Variants in MTREX observed in about 807,000 individuals in gnomAD.
MTREX encodes the protein Mtr4 exosome RNA helicase.
In MTREX, 76 loss-of-function variants were observed where a neutral mutation model predicts 135.4. That is an observed-to-expected ratio of 0.56 (90% CI 0.47 to 0.68). The LOEUF (loss-of-function observed/expected upper bound fraction) is 0.68. MTREX is among the 30% of genes least tolerant of loss of function. MTREX has a pLI of 0.00. For missense variants in MTREX, 920 were observed against 1,262.1 expected, an observed-to-expected ratio of 0.73 and a Z score of 4.11; for synonymous variants, 404 against 401.6, an observed-to-expected ratio of 1.01 and a Z score of -0.07.
At chr5:55,414,706 G>A (rs188297706) in intron 24 of MTREX, among the ~76,000 whole-genome samples, 31 of 152,294 alleles carry the variant, frequency 2.0e-4, no homozygotes, top group Admixed American at 1.6e-3. Flanking sequence ...CTGGAGTGCA[G>A]TGGCGTGATC....
At chr5:55,415,035 C>T (rs888380641) in intron 24 of MTREX, among the ~76,000 whole-genome samples, 2 of 145,358 alleles carry the variant, frequency 1.4e-5, no homozygotes, top group African/African-American at 5.0e-5. Flanking sequence ...ATAAATTTCT[C>T]TCTTACTATT....
chr5:55,348,802 T>C (rs2112067342), intron 11 of MTREX, among the ~76,000 whole-genome samples: 1 of 152,362 alleles, frequency 6.6e-6, no homozygotes, highest in South Asian at 2.1e-4. Context: ...TTATTCAGTT[T>C]AACAAATGCT....
chr5:55,424,425 A>C, intron 26 of MTREX: 1 of 201,838 alleles, frequency 5.0e-6, no homozygotes. Flanking sequence ...GATTACAGGC[A>C]TGAGCTACTG....
chr5:55,327,886 G>A (rs1332032854), intron 4 of MTREX, 108 bp downstream of exon 4: 1 of 813,742 alleles, frequency 1.2e-6, no homozygotes. Flanking sequence ...GTATATGTAT[G>A]TATCAAGAAC....
intron 26 of MTREX, 182 bp from the exon 27 acceptor site, chr5:55,424,538 A>G (rs917349075): frequency 5.4e-6 from 3 of 559,346 alleles, no homozygotes; most frequent in African/African-American, 1.9e-5. Context: ...TCTGGCTTGT[A>G]TGTTTTCCAC....
At chr5:55,387,236 A>AC (rs1561205240) in intron 18 of MTREX, among the ~76,000 whole-genome samples, 2 of 152,030 alleles carry the variant, frequency 1.3e-5, no homozygotes, top group African/African-American at 4.8e-5. Context: ...TATTCTTGTT[A>AC]AACAGTTGGT....
chr5:55,403,428 AAAG>A lies in MTREX; in HGVS notation c.2482-1994_2482-1992del, dbSNP rs748376469. Among the ~76,000 whole-genome samples, 6 of 152,324 alleles carry A rather than the reference AAAG, an allele frequency of 3.9e-5. No homozygotes were observed. In the South Asian group the frequency reaches 6.2e-4, roughly 16 times the overall value. ...TTTTAGTAGCCACATTTTAAAAAAGAAAGAAAAAACCAGTGGCATTAACTTCAG... is the reference window on the plus strand; with the variant it reads ...TTTTAGTAGCCACATTTTAAAAAAGAAAAAAACCAGTGGCATTAACTTCAG... On this transcript the variant is annotated intron_variant, in intron 21 of 26. Transcript: ENST00000230640.
intron 23 of MTREX, among the ~76,000 whole-genome samples, chr5:55,411,221 G>T (rs1172988076): frequency 6.6e-6 from 1 of 152,106 alleles, no homozygotes; most frequent in Non-Finnish European, 1.5e-5. Flanking sequence ...TCCTTGTACT[G>T]CATTCCAAAA....
At chr5:55,404,797 C>CTTTT (rs10714588) in intron 21 of MTREX, among the ~76,000 whole-genome samples, 3 of 131,964 alleles carry the variant, frequency 2.3e-5, no homozygotes, top group Admixed American at 7.5e-5. Flanking sequence ...GCTCTGTTCT[C>CTTTT]TTTTTTTTTT....
At chr5:55,375,554 C>A (rs1750283335) in intron 16 of MTREX, among the ~76,000 whole-genome samples, 1 of 152,114 alleles carries the variant, frequency 6.6e-6, no homozygotes, top group Non-Finnish European at 1.5e-5. Context: ...TTATCCTGTT[C>A]TTTTTTCAAG....
intron 15 of MTREX, among the ~76,000 whole-genome samples, chr5:55,365,989 T>C (rs1415514237): frequency 1.6e-5 from 2 of 121,314 alleles, no homozygotes; most frequent in East Asian, 4.9e-4. Context: ...AGACCCCATC[T>C]AAAAAAAAAA....
At chr5:55,318,438 C>T (rs1173864359) in intron 1 of MTREX, among the ~76,000 whole-genome samples, 1 of 152,078 alleles carries the variant, frequency 6.6e-6, no homozygotes. Context: ...ATTATGCAGC[C>T]GTGAAAAAGA....
At chr5:55,375,011 C>T (rs1579878537) in intron 16 of MTREX, among the ~76,000 whole-genome samples, 1 of 152,162 alleles carries the variant, frequency 6.6e-6, no homozygotes, top group South Asian at 2.1e-4. Flanking sequence ...CCACAAAAAC[C>T]AGCAAGTTTT....
At chr5:55,334,203 A>G (rs533007387) in intron 5 of MTREX, among the ~76,000 whole-genome samples, 1 of 152,232 alleles carries the variant, frequency 6.6e-6, no homozygotes, top group South Asian at 2.1e-4. Flanking sequence ...CTTAGTGAGT[A>G]CAGAGTTTTT....
rs138219915 is a variant in MTREX, at chr5:55,377,194, G to A, written c.1811-1120G>A. On this transcript the variant is annotated intron_variant, in intron 16 of 26. Transcript: ENST00000230640. ...ATACAAAAATTAGCTGGGCATGGTA[G>A]CGGGCGCCTGTAGTCCCAGCTACTC... Among the ~76,000 whole-genome samples, 421 of 152,220 alleles carry A rather than the reference G, an allele frequency of 2.8e-3. 1 individual carries two copies. The highest frequency in any genetic ancestry group is 9.8e-3 in the African/African-American group (405 of 41,536).
At chr5:55,423,067 C>T (rs1447245421) in intron 26 of MTREX, 85 bp downstream of exon 26, 11 of 959,694 alleles carry the variant, frequency 1.1e-5, no homozygotes, top group South Asian at 1.0e-4. Flanking sequence ...CCTAGGAGGA[C>T]GTTTTGAGAT....
intron 3 of MTREX, among the ~76,000 whole-genome samples, chr5:55,325,300 A>C (rs1035219614): frequency 6.7e-6 from 1 of 148,308 alleles, no homozygotes; most frequent in African/African-American, 2.5e-5. Context: ...GAGGTGGTAC[A>C]TATATGCAAG....
At chr5:55,405,619 A>T (rs568084973) in intron 22 of MTREX, 31 bp downstream of exon 22, 215 of 1,436,016 alleles carry the variant, frequency 1.5e-4, no homozygotes, top group African/African-American at 1.1e-3. Context: ...TAGAAAGTTC[A>T]TTTTTTTTTT....
chr5:55,334,201 G>A (rs1398817081), intron 5 of MTREX, among the ~76,000 whole-genome samples: 1 of 152,090 alleles, frequency 6.6e-6, no homozygotes, highest in Non-Finnish European at 1.5e-5. Context: ...TGCTTAGTGA[G>A]TACAGAGTTT....
Sources: gnomAD v4.1 joint callset for allele counts (sites outside exome capture counted in the v4.1 genomes callset) on GRCh38, gnomAD v4.1.1 for gene constraint, MANE v1.5 for transcripts, NCBI Gene and HGNC (gene_info 2026-07-23, HGNC 2026-07-21) for gene names.